MARCHF6: variants seen among roughly 807,000 people sequenced by gnomAD.
MARCHF6 encodes membrane associated ring-CH-type finger 6, also known as E3 ubiquitin-protein ligase MARCHF6.
MARCHF6 carries 31 observed loss-of-function variants against 133.7 expected under a neutral mutation model. The ratio of observed to expected loss-of-function variants is 0.23; its 90% CI spans 0.17 to 0.31. The LOEUF is 0.31. Ranked by LOEUF, MARCHF6 falls within the 10% of genes least tolerant of loss-of-function variation. The pLI is 1.00. For missense variants in MARCHF6, 723 were observed against 1,121.6 expected (o/e 0.64, Z 5.08); for synonymous variants, 395 against 402.5 (o/e 0.98, Z 0.22).
intron 21 of MARCHF6, 63 bp downstream of exon 21, chr5:10,415,732 T>C (rs2126797348): frequency 2.1e-6 from 3 of 1,420,980 alleles, no homozygotes; most frequent in Admixed American, 2.6e-5. Context: ...TTTCCAGTCA[T>C]CTTAAATTTT....
intron 5 of MARCHF6, among the ~76,000 whole-genome samples, chr5:10,388,572 T>A (rs543619798): frequency 1.3e-5 from 2 of 152,338 alleles, no homozygotes; most frequent in South Asian, 4.1e-4. Context: ...GCTGAGCTTT[T>A]CATCTATTGG....
Position 10,439,899 on chromosome 5 carries a change from CACTT to C in MARCHF6, c.*6219_*6222del, listed in dbSNP as rs1740793791. 6.6e-6 allele frequency: 1 copy of C among 152,380 alleles called. No homozygotes were observed. The highest frequency in any genetic ancestry group is 1.5e-5 in the Non-Finnish European group (1 of 68,100). The allele number at this position is 152,380 out of a possible 1,614,324, so 9.4% of individuals were successfully genotyped here. A position where few individuals can be genotyped will look rare whatever the true frequency, so the allele number is the denominator to read the frequency against. On this transcript the variant is annotated 3_prime_UTR_variant, in exon 26 of 26. Coordinates refer to ENST00000274140, the MANE Select transcript of MARCHF6 (RefSeq NM_005885.4). ...AACAGGTCAGGCCTTCGTGCCTTTGCACTTACTATTTGCAATACCCAAATGTTCT... is the reference window on the plus strand; with the variant it reads ...AACAGGTCAGGCCTTCGTGCCTTTGCACTATTTGCAATACCCAAATGTTCT...
At position 10,437,702 on chromosome 5, in the gene MARCHF6, G is replaced by C. The variant is rs980965264; in HGVS notation, c.*4018G>C. On this transcript the variant is annotated 3_prime_UTR_variant, in exon 26 of 26. Transcript: ENST00000274140. ...GAAGCTAAGTAGAACACTTAGTTTGGGGTGTCAATTTTCTATCAACGCAAA... is the reference window on the plus strand; with the variant it reads ...GAAGCTAAGTAGAACACTTAGTTTGCGGTGTCAATTTTCTATCAACGCAAA... The C allele has an allele frequency of 3.9e-5, 6 of 152,134 alleles. No individual in the cohort carries two copies. Among genetic ancestry groups the C allele is most frequent in the Non-Finnish European group, 8.8e-5 (6 of 68,032 alleles). The allele number at this position is 152,134 out of a possible 1,614,324, so 9.4% of individuals were successfully genotyped here.
At chr5:10,368,327 G>C in intron 1 of MARCHF6, among the ~76,000 whole-genome samples, 1 of 152,174 alleles carries the variant, frequency 6.6e-6, no homozygotes. Flanking sequence ...GGAGCTTAAA[G>C]CATCAAAAGG....
At chr5:10,390,663 A>G (rs368920472) in intron 6 of MARCHF6, among the ~76,000 whole-genome samples, 163 bp downstream of exon 6, 6 of 152,186 alleles carry the variant, frequency 3.9e-5, no homozygotes, top group East Asian at 3.8e-4. Context: ...GAGAGATGTG[A>G]AAAATCAAGA....
At chr5:10,394,659 A>T in intron 8 of MARCHF6, 94 bp from the exon 9 acceptor site, 1 of 932,324 alleles carries the variant, frequency 1.1e-6, no homozygotes, top group Non-Finnish European at 1.7e-6. Context: ...GACTGTGTTT[A>T]AAGATATTGA....
chr5:10,355,737 G>A (rs557990084), intron 1 of MARCHF6, among the ~76,000 whole-genome samples: 1 of 152,262 alleles, frequency 6.6e-6, no homozygotes, highest in African/African-American at 2.4e-5. Flanking sequence ...TTACAGATGA[G>A]GAAACTGATG....
intron 1 of MARCHF6, among the ~76,000 whole-genome samples, chr5:10,367,467 A>G (rs550709558): frequency 6.6e-6 from 1 of 152,344 alleles, no homozygotes; most frequent in South Asian, 2.1e-4. Flanking sequence ...AATTCTTTGT[A>G]TATTAAATTA....
At chr5:10,364,797 T>C (rs1736034989) in intron 1 of MARCHF6, among the ~76,000 whole-genome samples, 1 of 152,198 alleles carries the variant, frequency 6.6e-6, no homozygotes, top group Admixed American at 6.5e-5. Flanking sequence ...GCTGTTTCTC[T>C]GCTTCTTCTT....
At chr5:10,403,295 T>G in intron 14 of MARCHF6, 112 bp from the exon 15 acceptor site, 1 of 1,011,280 alleles carries the variant, frequency 9.9e-7, no homozygotes, top group Non-Finnish European at 1.5e-6. Context: ...ACTGCAGTTC[T>G]AGGAATTGTT....
chr5:10,426,141 A>G (rs554922243), intron 23 of MARCHF6, among the ~76,000 whole-genome samples: 1 of 152,338 alleles, frequency 6.6e-6, no homozygotes, highest in East Asian at 1.9e-4. Context: ...AGTATAAATT[A>G]TTCTAGATTA....
At chr5:10,405,078 C>T (rs1163448527) in intron 15 of MARCHF6, among the ~76,000 whole-genome samples, 2 of 152,066 alleles carry the variant, frequency 1.3e-5, no homozygotes, top group East Asian at 1.9e-4. Flanking sequence ...AGATTAGATG[C>T]GTTACACAGA....
At position 10,414,420 on chromosome 5, in the gene MARCHF6, T is replaced by G; in HGVS notation, c.1897-13T>G. On this transcript the variant is annotated splice_polypyrimidine_tract_variant and intron_variant, in intron 19 of 25. Transcript: ENST00000274140. ...GTTCTCTATTTATGCACTCCTTATG[T>G]TTTACTTTGCAGATATTTCTGTTGA... 1 of 1,574,914 alleles carries G rather than the reference T, an allele frequency of 6.3e-7. No homozygotes were observed. The highest frequency in any genetic ancestry group is 8.7e-7 in the Non-Finnish European group (1 of 1,146,282).
intron 25 of MARCHF6, 120 bp from the exon 26 acceptor site, chr5:10,433,474 T>C (rs1052355990): frequency 1.4e-6 from 1 of 712,306 alleles, no homozygotes; most frequent in Non-Finnish European, 2.5e-6. Flanking sequence ...CACTCGGGAC[T>C]CCCTTTGACT....
chr5:10,402,475 A>G, intron 13 of MARCHF6, 23 bp downstream of exon 13: 2 of 1,613,136 alleles, frequency 1.2e-6, no homozygotes, highest in Non-Finnish European at 1.7e-6. Context: ...ATAACTTAAA[A>G]TTGGAAATGA....
At chr5:10,419,500 C>T (rs1163210905) in intron 22 of MARCHF6, among the ~76,000 whole-genome samples, 1 of 152,018 alleles carries the variant, frequency 6.6e-6, no homozygotes, top group African/African-American at 2.4e-5. Flanking sequence ...TTTATCTGGA[C>T]CTAACATCAT....
In MARCHF6 at chr5:10,378,822, T is replaced by G. The variant is rs763172236; in HGVS notation, c.180T>G (p.Ala60=). 1.2e-6 allele frequency: 2 copies of G among 1,608,060 alleles called. No homozygotes were observed. Among genetic ancestry groups the G allele is most frequent in the Non-Finnish European group, 1.7e-6 (2 of 1,176,270 alleles). Residue 60 remains alanine (A), a synonymous_variant, in exon 3 of 26, where the codon GCT becomes GCG. Coordinates refer to ENST00000274140, the MANE Select transcript of MARCHF6 (RefSeq NM_005885.4). ...EYCELCKHRF[A]FTPIYSPDMP... ...GTGAATTATGCAAGCACAGATTTGC[T>G]TTTACACCAAGTAAGTTCTTTAGAC...
chr5:10,400,682 C>A, intron 10 of MARCHF6, 102 bp from the exon 11 acceptor site: 1 of 841,702 alleles, frequency 1.2e-6, no homozygotes, highest in Non-Finnish European at 2.0e-6. Context: ...TGGAATCTTT[C>A]ATTTCTCCAA....
At chr5:10,421,699 T>C (rs1739834030) in intron 22 of MARCHF6, among the ~76,000 whole-genome samples, 1 of 152,190 alleles carries the variant, frequency 6.6e-6, no homozygotes, top group African/African-American at 2.4e-5. Context: ...GGGTGTCTGC[T>C]GGACTCCCAG....
Sources: allele counts gnomAD v4.1 joint callset (sites outside exome capture counted in the v4.1 genomes callset), GRCh38; gene constraint gnomAD v4.1.1; transcripts MANE v1.5; gene names NCBI Gene and HGNC (gene_info 2026-07-23, HGNC 2026-07-21).